GHITM: variants seen among roughly 807,000 people sequenced by gnomAD.
The protein encoded by GHITM is growth hormone-inducible transmembrane protein.
Under a neutral mutation model 38.7 loss-of-function variants are expected in GHITM, and 24 were observed. The ratio of observed to expected loss-of-function variants is 0.62; its 90% CI spans 0.45 to 0.87. The LOEUF (loss-of-function observed/expected upper bound fraction) is 0.87, where lower values mean the gene tolerates loss of function less well. Ranked by LOEUF, GHITM falls within the 40% of genes least tolerant of loss-of-function variation. The pLI is 0.00. For missense variants in GHITM, 420 were observed against 429.8 expected (o/e 0.98, Z 0.20); for synonymous variants, 154 against 147.8 (o/e 1.04, Z -0.30).
intron 7 of GHITM, 63 bp from the exon 8 acceptor site, chr10:84,150,639 TATAAATC>T: frequency 1.6e-6 from 2 of 1,235,664 alleles, no homozygotes; most frequent in South Asian, 1.5e-5. Context: ...TTTTAAGTAA[TATAAATC>T]ATAAACTCAG....
intron 2 of GHITM, 61 bp from the exon 3 acceptor site, chr10:84,142,589 CATTTT>C (rs1413323802): frequency 3.0e-6 from 3 of 984,340 alleles, no homozygotes. Context: ...AGGGATCTTG[CATTTT>C]ATTTTATTAA....
At chr10:84,147,336 G>A (rs977253304) in intron 5 of GHITM, among the ~76,000 whole-genome samples, 54 of 152,124 alleles carry the variant, frequency 3.5e-4, no homozygotes, top group African/African-American at 1.3e-3. Context: ...GGCTCAAGTG[G>A]TCCTTTCACC....
intron 1 of GHITM, 104 bp from the exon 2 acceptor site, chr10:84,141,358 T>TA: frequency 1.6e-6 from 1 of 629,800 alleles, no homozygotes; most frequent in Non-Finnish European, 2.7e-6. Context: ...TACTAAAAAA[T>TA]AGTTTGTTCC....
chr10:84,144,147 C>A, intron 4 of GHITM, 41 bp downstream of exon 4: 1 of 1,281,192 alleles, frequency 7.8e-7, no homozygotes, highest in South Asian at 1.2e-5. Flanking sequence ...TAAACAACTC[C>A]AGCCTTAAAA....
chr10:84,150,622 G>T, intron 7 of GHITM, 87 bp from the exon 8 acceptor site: 1 of 1,063,960 alleles, frequency 9.4e-7, no homozygotes, highest in South Asian at 1.6e-5. Context: ...ATACCAAGGA[G>T]ATTTTTTTTT....
rs113518577 is a variant in GHITM, at chr10:84,145,781, C to T, written c.483+765C>T. On this transcript the variant is annotated intron_variant, in intron 5 of 8. Transcript: ENST00000372134. ...TGAACTGGAATAAGTGGCACAGATA[C>T]GCAATAAGAAAGTGCAAAGTCAGTT... 6.7e-3 allele frequency among the ~76,000 whole-genome samples: 1,023 copies of T among 152,324 alleles called. 15 individuals are homozygous for T. Among genetic ancestry groups the T allele is most frequent in the African/African-American group, 0.024 (977 of 41,566 alleles).
At chr10:84,151,922 TG>T (rs1841616409) in intron 8 of GHITM, among the ~76,000 whole-genome samples, 1 of 152,176 alleles carries the variant, frequency 6.6e-6, no homozygotes. Context: ...ATGCTAGACT[TG>T]TGTCTAACAG....
Position 84,148,729 on chromosome 10 carries a change from G to C in GHITM, c.484-1G>C. 2.5e-6 allele frequency: 4 copies of C among 1,598,152 alleles called. No individual in the cohort carries two copies. Among genetic ancestry groups the C allele is most frequent in the Non-Finnish European group, 2.6e-6 (3 of 1,165,442 alleles). On this transcript the variant is annotated splice_acceptor_variant, in intron 5 of 8. Transcript: ENST00000372134. LOFTEE classifies it high-confidence loss of function. The stretch of plus-strand genomic sequence containing the variant: ...TTTTCTTAATAGTACTTGTCTTTCA[G>C]ACAATTGGTGTGACCTTTGCAGCCA...
intron 5 of GHITM, among the ~76,000 whole-genome samples, chr10:84,147,574 C>T (rs1240766078): frequency 6.6e-6 from 1 of 152,102 alleles, no homozygotes; most frequent in Admixed American, 6.5e-5. Context: ...AGGTTACTGA[C>T]ATCTAGAGTT....
chr10:84,146,686 A>G (rs1290237306), intron 5 of GHITM, among the ~76,000 whole-genome samples: 1 of 152,226 alleles, frequency 6.6e-6, no homozygotes, highest in Non-Finnish European at 1.5e-5. Flanking sequence ...TAAACATGAC[A>G]ATATTTACCT....
chr10:84,146,400 T>C (rs902506483), intron 5 of GHITM, among the ~76,000 whole-genome samples: 1 of 152,202 alleles, frequency 6.6e-6, no homozygotes, highest in Non-Finnish European at 1.5e-5. Flanking sequence ...GAACCTGAAC[T>C]AGAGCAGAGT....
intron 4 of GHITM, 29 bp from the exon 5 acceptor site, chr10:84,144,846 A>G: frequency 6.6e-7 from 1 of 1,509,310 alleles, no homozygotes; most frequent in South Asian, 1.2e-5. Flanking sequence ...CTGTAATTTC[A>G]TAGATTAATC....
chr10:84,143,223 A>G (rs1488815310), intron 3 of GHITM, among the ~76,000 whole-genome samples: 2 of 152,226 alleles, frequency 1.3e-5, no homozygotes, highest in Non-Finnish European at 2.9e-5. Flanking sequence ...TTGGATATCA[A>G]CTTTGCAAGT....
intron 1 of GHITM, among the ~76,000 whole-genome samples, chr10:84,141,202 A>G (rs554768914): frequency 1.3e-5 from 2 of 152,314 alleles, no homozygotes; most frequent in East Asian, 3.9e-4. Context: ...GCAGTCATCT[A>G]TTTTGATTGG....
At chr10:84,148,291 A>T (rs924823218) in intron 5 of GHITM, among the ~76,000 whole-genome samples, 2 of 147,028 alleles carry the variant, frequency 1.4e-5, no homozygotes, top group African/African-American at 5.4e-5. Flanking sequence ...TTTATTTTTT[A>T]TTTTTTATTT....
At chr10:84,144,713 A>G (rs1358232846) in intron 4 of GHITM, among the ~76,000 whole-genome samples, 162 bp from the exon 5 acceptor site, 1 of 152,046 alleles carries the variant, frequency 6.6e-6, no homozygotes, top group Non-Finnish European at 1.5e-5. Context: ...CCTTACAGTA[A>G]CTCCCAAGTA....
At position 84,152,918 on chromosome 10, in the gene GHITM, A is replaced by T. The variant is rs185835541; in HGVS notation, c.*570A>T. 6.6e-6 allele frequency: 1 copy of T among 152,408 alleles called. No homozygotes were observed. The highest frequency in any genetic ancestry group is 1.9e-4 in the East Asian group (1 of 5,192). 9.4% of individuals were successfully genotyped at this position (152,408 alleles called of 1,614,324 possible). ...GTTACATTCATCTGCTGAACTTAAC[A>T]AAACTGTTCATCCTGAAACAGGCAC... On this transcript the variant is annotated 3_prime_UTR_variant, in exon 9 of 9. Coordinates refer to ENST00000372134, the MANE Select transcript of GHITM (RefSeq NM_014394.3).
chr10:84,152,264 G>C lies in GHITM; in HGVS notation c.954G>C (p.Ser318=). The stretch of plus-strand genomic sequence containing the variant: ...TAATGGGCATAATTTTCTTTTCTAG[G>C]ATGCTGAGTATCTACATGGATACAT... ...YGVQKYDPIN[S]MLSIYMDTLN... The change falls in exon 9 of 9, where the codon TCG becomes TCC. Residue 318 remains serine (S), a splice_region_variant and synonymous_variant. Coordinates refer to ENST00000372134, the MANE Select transcript of GHITM (RefSeq NM_014394.3). The C allele has an allele frequency of 6.6e-7, 1 of 1,523,864 alleles. No individual in the cohort carries two copies. The highest frequency in any genetic ancestry group is 1.1e-5 in the South Asian group (1 of 87,096). The allele number at this position is 1,523,864 out of a possible 1,614,324, so 94.4% of individuals were successfully genotyped here.
At chr10:84,145,684 G>A (rs1841549980) in intron 5 of GHITM, among the ~76,000 whole-genome samples, 1 of 152,182 alleles carries the variant, frequency 6.6e-6, no homozygotes, top group African/African-American at 2.4e-5. Context: ...TTTCTCTGGA[G>A]CCCTTGTTAT....
Sources: gnomAD v4.1 joint callset for allele counts (sites outside exome capture counted in the v4.1 genomes callset) on GRCh38, gnomAD v4.1.1 for gene constraint, MANE v1.5 for transcripts, NCBI Gene and HGNC (gene_info 2026-07-23, HGNC 2026-07-21) for gene names.